Variants in ARHGAP26 observed in about 807,000 individuals in gnomAD.
ARHGAP26 encodes rho GTPase-activating protein 26.
A neutral mutation model predicts 104.8 loss-of-function variants in ARHGAP26; 38 were observed. That is an observed-to-expected ratio of 0.36 (90% confidence interval 0.28 to 0.48). The LOEUF is 0.48. Among genes scored for constraint, ARHGAP26 ranks in the 20% least tolerant of loss-of-function variants. The pLI, the probability that ARHGAP26 is intolerant of heterozygous loss-of-function variation, is 0.99. For missense variants in ARHGAP26, 704 were observed against 947.9 expected (o/e 0.74, Z 3.38); for synonymous variants, 341 against 340.0 (o/e 1.00, Z -0.03).
At chr5:143,164,866 A>G (rs1386234219) in intron 20 of ARHGAP26, 2 of 152,214 alleles carry the variant, frequency 1.3e-5, no homozygotes, top group African/African-American at 4.8e-5. Context: ...CTATGTACAA[A>G]AATGTTCGAC....
At chr5:142,856,183 A>G (rs1250647504) in intron 1 of ARHGAP26, among the ~76,000 whole-genome samples, 2 of 152,160 alleles carry the variant, frequency 1.3e-5, no homozygotes, top group African/African-American at 4.8e-5. Flanking sequence ...CAAGTGTGAA[A>G]AGTGTTGGGA....
intron 10 of ARHGAP26, among the ~76,000 whole-genome samples, chr5:142,927,241 T>C (rs1764041707): frequency 6.6e-6 from 1 of 151,912 alleles, no homozygotes; most frequent in Non-Finnish European, 1.5e-5. Context: ...CACACAACTG[T>C]GTAACCACCC....
At chr5:143,095,086 T>C (rs565959042) in intron 17 of ARHGAP26, among the ~76,000 whole-genome samples, 26 of 151,900 alleles carry the variant, frequency 1.7e-4, no homozygotes, top group South Asian at 8.3e-4. Flanking sequence ...TTTTGACTTA[T>C]GGGTTCTAAG....
chr5:142,846,070 G>A (rs1771883903), intron 1 of ARHGAP26, among the ~76,000 whole-genome samples: 1 of 152,172 alleles, frequency 6.6e-6, no homozygotes, highest in African/African-American at 2.4e-5. Flanking sequence ...AGGTATCCAT[G>A]TGTGAAAGCC....
chr5:142,890,482 G>A (rs901804088), intron 5 of ARHGAP26, among the ~76,000 whole-genome samples: 1 of 151,420 alleles, frequency 6.6e-6, no homozygotes, highest in African/African-American at 2.4e-5. Flanking sequence ...TATTACACAG[G>A]GTCTTGCAGA....
At chr5:143,106,125 C>A (rs1199861827) in intron 17 of ARHGAP26, among the ~76,000 whole-genome samples, 1 of 152,150 alleles carries the variant, frequency 6.6e-6, no homozygotes, top group Non-Finnish European at 1.5e-5. Context: ...GATTACTTAG[C>A]TCTTTATATA....
intron 5 of ARHGAP26, among the ~76,000 whole-genome samples, chr5:142,890,154 ATATAT>A (rs1562024020): frequency 2.1e-3 from 99 of 46,176 alleles, no homozygotes; most frequent in African/African-American, 7.2e-3. Context: ...AAAAAAAAAT[ATATAT>A]ATATATATAT....
intron 17 of ARHGAP26, among the ~76,000 whole-genome samples, chr5:143,107,334 A>G (rs1794165886): frequency 6.6e-6 from 1 of 152,168 alleles, no homozygotes; most frequent in South Asian, 2.1e-4. Context: ...GGTATTCATT[A>G]AGTGGTTTCA....
Position 142,871,749 on chromosome 5 carries a change from G to A in ARHGAP26, c.155-1651G>A, listed in dbSNP as rs1185927498. Among the ~76,000 whole-genome samples the A allele has an allele frequency of 6.6e-6, 1 of 152,156 alleles. No homozygotes were observed. The highest frequency in any genetic ancestry group is 1.5e-5 in the Non-Finnish European group (1 of 68,038). On this transcript the variant is annotated intron_variant, in intron 1 of 22. Coordinates refer to ENST00000645722, the MANE Select transcript of ARHGAP26 (RefSeq NM_001135608.3). The surrounding 1 kb of genome is among the most constrained non-coding windows in gnomAD (Gnocchi z 4.1). ...TTTGTGATTTGTGTTCTGAGGGATA[G>A]CCTCAGCCTGGGCTGGCCATTTTTG...
chr5:142,912,725 C>G, intron 9 of ARHGAP26, among the ~76,000 whole-genome samples: 1 of 152,112 alleles, frequency 6.6e-6, no homozygotes, highest in Non-Finnish European at 1.5e-5. Context: ...TCACCTATAT[C>G]AATGCGCAGT....
At chr5:143,163,653 G>C (rs2151081121) in intron 20 of ARHGAP26, among the ~76,000 whole-genome samples, 1 of 152,168 alleles carries the variant, frequency 6.6e-6, no homozygotes, top group South Asian at 2.1e-4. Flanking sequence ...GTTTCACCAT[G>C]TTGGCCAGGC....
chr5:142,891,175 A>G (rs1562026248), intron 5 of ARHGAP26, among the ~76,000 whole-genome samples: 1 of 151,952 alleles, frequency 6.6e-6, no homozygotes, highest in East Asian at 1.9e-4. Flanking sequence ...GCCCAGTTGG[A>G]AGGCGTATCA....
intron 20 of ARHGAP26, among the ~76,000 whole-genome samples, chr5:143,202,017 T>C (rs1807817248): frequency 6.6e-6 from 1 of 152,220 alleles, no homozygotes; most frequent in African/African-American, 2.4e-5. Context: ...AGTGGGGTGG[T>C]AAAGTCTCCC....
At chr5:142,897,045 A>G (rs1759568359) in intron 6 of ARHGAP26, among the ~76,000 whole-genome samples, 1 of 152,196 alleles carries the variant, frequency 6.6e-6, no homozygotes, top group African/African-American at 2.4e-5. Flanking sequence ...GTATTTATTG[A>G]ATACCGTAGA....
intron 1 of ARHGAP26, among the ~76,000 whole-genome samples, chr5:142,790,814 C>T (rs902257332): frequency 6.6e-6 from 1 of 152,174 alleles, no homozygotes; most frequent in East Asian, 1.9e-4. Flanking sequence ...GCCAAAGGTC[C>T]TCTCAGAGAG....
chr5:142,814,765 G>A (rs1405463612), intron 1 of ARHGAP26, among the ~76,000 whole-genome samples: 1 of 152,140 alleles, frequency 6.6e-6, no homozygotes, highest in Non-Finnish European at 1.5e-5. Context: ...TAACCTCTCT[G>A]GGCTTCAGTT....
intron 19 of ARHGAP26, among the ~76,000 whole-genome samples, chr5:143,143,576 C>T (rs2150961974): frequency 6.6e-6 from 1 of 152,254 alleles, no homozygotes; most frequent in South Asian, 2.1e-4. Context: ...ATTTATGGTC[C>T]CTGTCTAAAG....
intron 12 of ARHGAP26, among the ~76,000 whole-genome samples, chr5:143,034,056 TC>T (rs1420694056): frequency 6.6e-6 from 1 of 152,132 alleles, no homozygotes; most frequent in Non-Finnish European, 1.5e-5. Flanking sequence ...ATGAGATACC[TC>T]TTGACACCCA....
intron 20 of ARHGAP26, among the ~76,000 whole-genome samples, chr5:143,196,831 G>C (rs138093609): frequency 6.6e-6 from 1 of 152,306 alleles, no homozygotes; most frequent in East Asian, 1.9e-4. Context: ...GCCGTTGGGC[G>C]ACTCAAGGTT....
Sources: allele counts gnomAD v4.1 joint callset (sites outside exome capture counted in the v4.1 genomes callset), GRCh38; gene constraint gnomAD v4.1.1; non-coding constraint Gnocchi (gnomAD v3.1); transcripts MANE v1.5; gene names NCBI Gene and HGNC (gene_info 2026-07-23, HGNC 2026-07-21).